The following BTBD10 variants were observed in gnomAD, a reference collection of about 807,000 sequenced individuals.
BTBD10 encodes the protein BTB/POZ domain-containing protein 10.
Under a neutral mutation model 53.2 loss-of-function variants are expected in BTBD10, and 21 were observed. The ratio of observed to expected loss-of-function variants is 0.39; its 90% confidence interval spans 0.28 to 0.57. The LOEUF is 0.57. Among genes scored for constraint, BTBD10 ranks in the 20% least tolerant of loss-of-function variants. The pLI, the probability that BTBD10 is intolerant of heterozygous loss-of-function variation, is 0.53. For missense variants in BTBD10, 360 were observed against 594.7 expected, an observed-to-expected ratio of 0.61 and a Z score of 4.10; for synonymous variants, 149 against 192.7, an observed-to-expected ratio of 0.77 and a Z score of 1.88.
rs558906134 is a variant in BTBD10 at position 13,411,472 on chromosome 11, C to T, written c.808+2058G>A. On this transcript the variant is annotated intron_variant, in intron 6 of 8. Coordinates refer to ENST00000278174, the MANE Select transcript of BTBD10 (RefSeq NM_032320.7). ...AATTCTATATAGTTTTTTTTTAAAA[C>T]GTCTTTGAGAATCTCTAAATTTTTA... is the stretch of plus-strand genomic sequence containing the variant. 4.6e-5 allele frequency among the ~76,000 whole-genome samples: 7 copies of T among 151,980 alleles called. No homozygotes were observed. The South Asian group carries it at 6.2e-4, about 14-fold the overall frequency.
chr11:13,450,992 C>A (rs922767822), intron 1 of BTBD10, among the ~76,000 whole-genome samples: 1 of 152,094 alleles, frequency 6.6e-6, no homozygotes, highest in African/African-American at 2.4e-5. Flanking sequence ...CCATCCCTCA[C>A]AAATATGGTG....
intron 2 of BTBD10, among the ~76,000 whole-genome samples, chr11:13,430,080 G>A (rs1242463838): frequency 6.6e-6 from 1 of 152,136 alleles, no homozygotes; most frequent in Non-Finnish European, 1.5e-5. Flanking sequence ...CTGCACTCTA[G>A]CCTGGGCAAC....
intron 2 of BTBD10, chr11:13,439,785 T>G: frequency 2.1e-6 from 2 of 974,774 alleles, no homozygotes; most frequent in Admixed American, 6.3e-5. Flanking sequence ...ATGATCATAA[T>G]GAAACAAAGG....
chr11:13,458,547 ACT>A, intron 1 of BTBD10, among the ~76,000 whole-genome samples: 1 of 152,240 alleles, frequency 6.6e-6, no homozygotes, highest in Non-Finnish European at 1.5e-5. Flanking sequence ...CAGCTGTCTT[ACT>A]GCCTGCCAAT....
Position 13,436,172 on chromosome 11 carries a change from C to T in BTBD10, c.101+8852G>A, listed in dbSNP as rs574437073. On this transcript the variant is annotated intron_variant, in intron 2 of 8. Transcript: ENST00000278174. ...TAATGACAGGGAAGGGGAACTTTTC[C>T]CTTTAAAAGTTTCATTCTAGCCTTG... 3.9e-5 allele frequency among the ~76,000 whole-genome samples: 6 copies of T among 152,226 alleles called. No homozygotes were observed. The South Asian group carries it at 1.2e-3, about 32-fold the overall frequency.
Position 13,421,756 on chromosome 11 carries a change from T to C in BTBD10, c.184A>G (p.Arg62Gly), listed in dbSNP as rs1950245924. 3 of 1,613,936 alleles carry C rather than the reference T, an allele frequency of 1.9e-6. No individual in the cohort carries two copies. The highest frequency in any genetic ancestry group is 1.1e-5 in the South Asian group (1 of 91,092). The change falls in exon 3 of 9, where the codon AGA becomes GGA. Residue 62 changes from arginine to glycine, a missense_variant. Arg to Gly is a moderately radical substitution (Grantham distance 125, BLOSUM62 -2). Transcript: ENST00000278174. ...HGASGGHERSRDRRRSSDRSR... is the reference protein window; with the variant it reads ...HGASGGHERSGDRRRSSDRSR... The stretch of plus-strand genomic sequence containing the variant: ...CTGTCACTTGACCTTCGTCTATCTC[T>C]TGATCTCTCATGTCCCCCACTAGCA...
At chr11:13,432,484 G>A (rs1238689269) in intron 2 of BTBD10, among the ~76,000 whole-genome samples, 2 of 152,060 alleles carry the variant, frequency 1.3e-5, no homozygotes, top group Non-Finnish European at 1.5e-5. Context: ...AGGCTGAGTA[G>A]AGTACCTGGG....
At chr11:13,419,833 A>G (rs1048366557) in intron 3 of BTBD10, 88 bp from the exon 4 acceptor site, 56 of 1,236,730 alleles carry the variant, frequency 4.5e-5, no homozygotes, top group Non-Finnish European at 5.6e-5. Context: ...TTGATTTATA[A>G]AAGTTGTTTT....
chr11:13,400,738 C>A (rs949742525), intron 8 of BTBD10, among the ~76,000 whole-genome samples: 2 of 152,174 alleles, frequency 1.3e-5, no homozygotes, highest in Admixed American at 6.5e-5. Flanking sequence ...GACTAATACA[C>A]GGACTAAGCC....
In BTBD10 at chr11:13,421,752, T is replaced by A; in HGVS notation, c.188A>T (p.Asp63Val). ...GASGGHERSR[D>V]RRRSSDRSRD... ...TGATCTGTCACTTGACCTTCGTCTA[T>A]CTCTTGATCTCTCATGTCCCCCACT... Residue 63 changes from aspartate (D) to valine (V), a missense_variant, in exon 3 of 9, where the codon GAT becomes GTT. This residue lies in a region of BTBD10 where 81 missense variants were observed against 82.6 expected (regional missense o/e 0.98). Coordinates refer to ENST00000278174, the MANE Select transcript of BTBD10 (RefSeq NM_032320.7). The A allele has an allele frequency of 6.2e-7, 1 of 1,614,120 alleles. No homozygotes were observed. Among genetic ancestry groups the A allele is most frequent in the Non-Finnish European group, 8.5e-7 (1 of 1,179,986 alleles).
chr11:13,390,510 AT>A (rs1949379747), intron 8 of BTBD10, among the ~76,000 whole-genome samples: 1 of 151,902 alleles, frequency 6.6e-6, no homozygotes, highest in East Asian at 1.9e-4. Flanking sequence ...CACCTGGCTA[AT>A]TTTTGTATTG....
intron 2 of BTBD10, among the ~76,000 whole-genome samples, chr11:13,426,488 A>G (rs1950341494): frequency 6.6e-6 from 1 of 152,128 alleles, no homozygotes; most frequent in Non-Finnish European, 1.5e-5. Flanking sequence ...CTAATTGTTT[A>G]AATCTCTATA....
intron 1 of BTBD10, among the ~76,000 whole-genome samples, chr11:13,453,147 C>T (rs1950897239): frequency 6.6e-6 from 1 of 151,988 alleles, no homozygotes; most frequent in Non-Finnish European, 1.5e-5. Flanking sequence ...CACAATATAT[C>T]ATGCAACCAG....
At chr11:13,431,341 T>C (rs1486323103) in intron 2 of BTBD10, among the ~76,000 whole-genome samples, 1 of 152,104 alleles carries the variant, frequency 6.6e-6, no homozygotes, top group African/African-American at 2.4e-5. Context: ...CAACATATAC[T>C]ACCCAGTAAA....
At chr11:13,449,878 C>G (rs1417972744) in intron 1 of BTBD10, among the ~76,000 whole-genome samples, 1 of 152,194 alleles carries the variant, frequency 6.6e-6, no homozygotes, top group African/African-American at 2.4e-5. Flanking sequence ...TAGGGCTCCA[C>G]CCTCATGACT....
intron 8 of BTBD10, among the ~76,000 whole-genome samples, chr11:13,398,140 G>A (rs893771194): frequency 6.6e-6 from 1 of 151,988 alleles, no homozygotes; most frequent in African/African-American, 2.4e-5. Context: ...TTGACAGTGG[G>A]GTGTTAAAGT....
At chr11:13,401,808 C>T (rs1949720787) in intron 8 of BTBD10, among the ~76,000 whole-genome samples, 1 of 152,204 alleles carries the variant, frequency 6.6e-6, no homozygotes, top group Non-Finnish European at 1.5e-5. Flanking sequence ...GACCCTGCAT[C>T]TTCTGATCCT....
intron 6 of BTBD10, among the ~76,000 whole-genome samples, chr11:13,410,516 A>T (rs1487796435): frequency 6.6e-6 from 1 of 152,130 alleles, no homozygotes; most frequent in Non-Finnish European, 1.5e-5. Flanking sequence ...GAATATAGAC[A>T]TGAGCCCCAC....
At chr11:13,438,820 A>G (rs766102501) in intron 2 of BTBD10, among the ~76,000 whole-genome samples, 1 of 152,050 alleles carries the variant, frequency 6.6e-6, no homozygotes, top group Non-Finnish European at 1.5e-5. Flanking sequence ...TAAAAGAATC[A>G]GCACAACCTG....
Sources: gnomAD v4.1 joint callset for allele counts (sites outside exome capture counted in the v4.1 genomes callset) on GRCh38, gnomAD v4.1.1 for gene constraint, gnomAD v4.1.1 regional missense constraint, MANE v1.5 for transcripts, NCBI Gene and HGNC (gene_info 2026-07-23, HGNC 2026-07-21) for gene names.